The following SFMBT1 variants were observed in gnomAD, a reference collection of about 807,000 sequenced individuals.
SFMBT1 encodes Scm like with four mbt domains 1, also known as scm-like with four MBT domains protein 1.
A neutral mutation model predicts 108.7 loss-of-function variants in SFMBT1; 32 were observed. The observed-to-expected ratio is 0.29, with a 90% CI of 0.22 to 0.40. The LOEUF (loss-of-function observed/expected upper bound fraction) is 0.40. Ranked by LOEUF, SFMBT1 falls within the 10% of genes least tolerant of loss-of-function variation. SFMBT1 has a pLI of 1.00. For missense variants in SFMBT1, 816 were observed against 1,059.6 expected (o/e 0.77, Z 3.19); for synonymous variants, 348 against 369.5 (o/e 0.94, Z 0.67).
In SFMBT1 at chr3:52,928,609, C is replaced by CATATATACATATATATACATAT. The variant is rs1559513922; in HGVS notation, c.898-269_898-268insATATGTATATATATGTATATAT. The stretch of plus-strand genomic sequence containing the variant: ...ATATATACATATATATACATATATA[C>CATATATACATATATATACATAT]ATATATATACATATATACATATATA... On this transcript the variant is annotated intron_variant, in intron 8 of 20. Transcript: ENST00000394752. 9.4e-4 allele frequency: 71 copies of CATATATACATATATATACATAT among 75,534 alleles called. 1 individual carries two copies. The highest frequency in any genetic ancestry group is 2.4e-3 in the African/African-American group (59 of 24,642). 4.7% of individuals were successfully genotyped at this position (75,534 alleles called of 1,614,324 possible).
At chr3:53,005,461 T>C (rs1382852885) in intron 1 of SFMBT1, among the ~76,000 whole-genome samples, 4 of 152,166 alleles carry the variant, frequency 2.6e-5, no homozygotes, top group Non-Finnish European at 5.9e-5. Flanking sequence ...TACAGGTGCA[T>C]GCCAGCACAT....
intron 4 of SFMBT1, among the ~76,000 whole-genome samples, chr3:52,942,971 T>A (rs969260794): frequency 1.3e-5 from 2 of 152,314 alleles, no homozygotes; most frequent in South Asian, 2.1e-4. Context: ...AGTTCCTAGT[T>A]ACCAGATTGC....
intron 1 of SFMBT1, among the ~76,000 whole-genome samples, chr3:52,970,612 C>T (rs1243204952): frequency 6.6e-6 from 1 of 152,140 alleles, no homozygotes; most frequent in African/African-American, 2.4e-5. Context: ...AGCGACAATA[C>T]AGAAAACTAT....
intron 4 of SFMBT1, among the ~76,000 whole-genome samples, chr3:52,939,716 T>C (rs1384497899): frequency 6.6e-6 from 1 of 152,220 alleles, no homozygotes; most frequent in African/African-American, 2.4e-5. Flanking sequence ...GTTTCTCAAG[T>C]CCTTTTTATT....
chr3:53,044,695 T>C (rs1700158262), intron 1 of SFMBT1, among the ~76,000 whole-genome samples: 1 of 152,220 alleles, frequency 6.6e-6, no homozygotes, highest in Non-Finnish European at 1.5e-5. Context: ...ACAAAATCCA[T>C]CTTACTTCCT....
At chr3:52,905,307 G>GAGGCAGGAGA in intron 20 of SFMBT1, 31 bp from the exon 21 acceptor site, 1 of 1,605,150 alleles carries the variant, frequency 6.2e-7, no homozygotes, top group African/African-American at 1.3e-5. Context: ...AATTATCTGT[G>GAGGCAGGAGA]ATGTGCACAT....
At chr3:52,933,696 T>C (rs556251668) in intron 5 of SFMBT1, among the ~76,000 whole-genome samples, 5 of 152,194 alleles carry the variant, frequency 3.3e-5, no homozygotes, top group South Asian at 4.1e-4. Flanking sequence ...GTATAAAAAA[T>C]AAAAACCAGT....
chr3:53,003,455 G>A (rs1698628407), intron 1 of SFMBT1, among the ~76,000 whole-genome samples: 1 of 150,198 alleles, frequency 6.7e-6, no homozygotes, highest in East Asian at 1.9e-4. Flanking sequence ...TTGTGAACGT[G>A]CATGAGAGCA....
At chr3:52,921,561 C>T (rs891843383) in intron 11 of SFMBT1, 144 bp downstream of exon 11, 9 of 850,896 alleles carry the variant, frequency 1.1e-5, no homozygotes, top group South Asian at 4.9e-5. Flanking sequence ...ATAAATATTT[C>T]GCTTAGAGTC....
chr3:52,939,563 G>T (rs1387437498), intron 4 of SFMBT1, among the ~76,000 whole-genome samples: 2 of 152,072 alleles, frequency 1.3e-5, no homozygotes, highest in East Asian at 3.9e-4. Context: ...GACAAAGAGT[G>T]ACACTCTGTC....
intron 1 of SFMBT1, among the ~76,000 whole-genome samples, chr3:52,983,039 A>G (rs1055699227): frequency 1.2e-4 from 18 of 152,194 alleles, no homozygotes; most frequent in African/African-American, 4.1e-4. Flanking sequence ...GGAAGGAAAA[A>G]GCAAACATTC....
chr3:52,942,997 G>A (rs545940343), intron 4 of SFMBT1, among the ~76,000 whole-genome samples: 1 of 152,260 alleles, frequency 6.6e-6, no homozygotes, highest in East Asian at 1.9e-4. Context: ...GGTATGAGGA[G>A]AGAGGACAAT....
Position 52,905,043 on chromosome 3 carries a change from A to G in SFMBT1, c.*93T>C. The G allele has an allele frequency of 6.6e-7, 1 of 1,515,148 alleles. No homozygotes were observed. Among genetic ancestry groups the G allele is most frequent in the Non-Finnish European group, 8.9e-7 (1 of 1,126,274 alleles). The allele number at this position is 1,515,148 out of a possible 1,614,324, so 93.9% of individuals were successfully genotyped here. A position where few individuals can be genotyped will look rare whatever the true frequency, so the allele number is the denominator to read the frequency against. ...GCAAGCTGATACCTGCAGGCCCCAGAGCCCCAGGACTATTCCAGCTCCACT... is the reference window on the plus strand; with the variant it reads ...GCAAGCTGATACCTGCAGGCCCCAGGGCCCCAGGACTATTCCAGCTCCACT... On this transcript the variant is annotated 3_prime_UTR_variant, in exon 21 of 21. Coordinates refer to ENST00000394752, the MANE Select transcript of SFMBT1 (RefSeq NM_016329.4).
chr3:52,967,257 A>C (rs1473400659), intron 2 of SFMBT1, among the ~76,000 whole-genome samples: 1 of 152,192 alleles, frequency 6.6e-6, no homozygotes, highest in Non-Finnish European at 1.5e-5. Flanking sequence ...ATTTTTAAAA[A>C]TTAGTGTATG....
rs997163535 is a variant in SFMBT1, at chr3:52,926,014, G to A, written c.1131+17C>T. The A allele has an allele frequency of 7.5e-6, 12 of 1,605,238 alleles. No homozygotes were observed. Among genetic ancestry groups the A allele is most frequent in the South Asian group, 1.1e-5 (1 of 90,032 alleles). ...GCAGCCCTGCCATAGTGGCCATGAG[G>A]CCGTGGGGGTCCTCACCGGAGGGAA... On this transcript the variant is annotated intron_variant, in intron 10 of 20. Transcript: ENST00000394752.
chr3:53,010,975 T>C (rs1698921745), intron 1 of SFMBT1, among the ~76,000 whole-genome samples: 2 of 152,222 alleles, frequency 1.3e-5, no homozygotes, highest in Admixed American at 1.3e-4. Context: ...AACTTGTCTC[T>C]ATCTACTACT....
At chr3:52,942,439 T>A (rs1001011579) in intron 4 of SFMBT1, among the ~76,000 whole-genome samples, 2 of 152,220 alleles carry the variant, frequency 1.3e-5, no homozygotes, top group African/African-American at 4.8e-5. Flanking sequence ...TAATTTTCCA[T>A]ATGATTCTCA....
chr3:52,996,789 G>A (rs1021714593), intron 1 of SFMBT1, among the ~76,000 whole-genome samples: 1 of 150,392 alleles, frequency 6.6e-6, no homozygotes, highest in African/African-American at 2.4e-5. Context: ...CTAAACACAG[G>A]CCGGGCACGG....
chr3:52,956,922 G>C (rs113948568), intron 2 of SFMBT1, among the ~76,000 whole-genome samples: 1 of 152,192 alleles, frequency 6.6e-6, no homozygotes, highest in African/African-American at 2.4e-5. Context: ...CACAAGACAA[G>C]GATGCCCTCT....
Sources: gnomAD v4.1 joint callset for allele counts (sites outside exome capture counted in the v4.1 genomes callset) on GRCh38, gnomAD v4.1.1 for gene constraint, MANE v1.5 for transcripts, NCBI Gene and HGNC (gene_info 2026-07-23, HGNC 2026-07-21) for gene names.